Variants in ZNF536 observed in about 807,000 individuals in gnomAD.
ZNF536 encodes the protein zinc finger protein 536.
Under a neutral mutation model 84.5 loss-of-function variants are expected in ZNF536, and 13 were observed. The ratio of observed to expected loss-of-function variants is 0.15; its 90% CI spans 0.10 to 0.24. The LOEUF (loss-of-function observed/expected upper bound fraction) is 0.24, where lower values mean the gene tolerates loss of function less well. ZNF536 is among the 10% of genes least tolerant of loss of function. The probability of loss-of-function intolerance (pLI) is 1.00; values close to 1 mark genes in which losing one functional copy is unlikely to be tolerated. For synonymous variants in ZNF536, 811 were observed against 742.5 expected, an observed-to-expected ratio of 1.09 and a Z score of -1.50; for missense variants, 1,536 against 1,747.5, an observed-to-expected ratio of 0.88 and a Z score of 2.16.
intron 1 of ZNF536, among the ~76,000 whole-genome samples, chr19:30,704,943 G>A (rs2052164419): frequency 6.7e-6 from 1 of 149,154 alleles, no homozygotes; most frequent in Non-Finnish European, 1.5e-5. Context: ...TTTTTTTCTG[G>A]AGCACTTGCT....
intron 1 of ZNF536, among the ~76,000 whole-genome samples, chr19:30,628,304 G>C (rs964599655): frequency 6.6e-6 from 1 of 152,212 alleles, no homozygotes; most frequent in Non-Finnish European, 1.5e-5. Flanking sequence ...ACCACCCCAG[G>C]ACCCTGTAGG....
At chr19:30,630,580 C>T (rs2048853155) in intron 1 of ZNF536, among the ~76,000 whole-genome samples, 1 of 152,188 alleles carries the variant, frequency 6.6e-6, no homozygotes, top group Non-Finnish European at 1.5e-5. Flanking sequence ...GCCCGCAGAC[C>T]CTGCCAGCAG....
chr19:30,389,064 A>G (rs1178245306), intron 1 of ZNF536, among the ~76,000 whole-genome samples: 1 of 152,194 alleles, frequency 6.6e-6, no homozygotes, highest in African/African-American at 2.4e-5. Context: ...TCCTCTTACC[A>G]TGAGCCAGAG....
At chr19:30,472,537 G>A (rs1407783490) in intron 2 of ZNF536, among the ~76,000 whole-genome samples, 6 of 152,292 alleles carry the variant, frequency 3.9e-5, no homozygotes, top group African/African-American at 4.8e-5. Flanking sequence ...TGGTTTACAC[G>A]TGATGGAGGA....
At position 30,361,226 on chromosome 19, in the gene ZNF536, C is replaced by T. The variant is rs913116501; in HGVS notation, c.-3+8742C>T. ...ATTTAACCCTTCTTGCCATTCGGCA[C>T]CCGACGGGAGAACTCTCCCTGTGTG... On this transcript the variant is annotated intron_variant, in intron 3 of 5. Transcript: ENST00000585628. Among the ~76,000 whole-genome samples the T allele has an allele frequency of 6.6e-5, 10 of 152,366 alleles. No homozygotes were observed. The East Asian group carries it at 1.9e-3, about 29-fold the overall frequency.
intron 1 of ZNF536, among the ~76,000 whole-genome samples, chr19:30,636,910 AGTCAG>A (rs1225992119): frequency 6.6e-6 from 1 of 152,190 alleles, no homozygotes; most frequent in Non-Finnish European, 1.5e-5. Context: ...CCGCAGAAGA[AGTCAG>A]GGCTGGAAAC....
chr19:30,329,506 A>C (rs1420501604), intron 2 of ZNF536, among the ~76,000 whole-genome samples: 1 of 152,178 alleles, frequency 6.6e-6, no homozygotes, highest in Non-Finnish European at 1.5e-5. Context: ...TCTGTTCTAT[A>C]AAGTGTGTGG....
chr19:30,460,433 T>C (rs1470048479), intron 2 of ZNF536, among the ~76,000 whole-genome samples: 1 of 152,166 alleles, frequency 6.6e-6, no homozygotes, highest in African/African-American at 2.4e-5. Context: ...TGAAGAGGTG[T>C]CCTGGCCTCC....
At chr19:30,257,559 A>G (rs751048773) in intron 1 of ZNF536, among the ~76,000 whole-genome samples, 6 of 152,254 alleles carry the variant, frequency 3.9e-5, no homozygotes, top group Non-Finnish European at 8.8e-5. Flanking sequence ...AGAGTAAATC[A>G]GAAATAATAG....
At chr19:30,705,576 T>A (rs1395106404) in intron 1 of ZNF536, among the ~76,000 whole-genome samples, 1 of 152,220 alleles carries the variant, frequency 6.6e-6, no homozygotes, top group Non-Finnish European at 1.5e-5. Flanking sequence ...GGAGCTGATA[T>A]CATCCCTTGG....
chr19:30,457,956 G>T (rs1002525704), intron 2 of ZNF536, among the ~76,000 whole-genome samples: 3 of 152,160 alleles, frequency 2.0e-5, no homozygotes, highest in Non-Finnish European at 2.9e-5. Flanking sequence ...GGTGGTGGGT[G>T]GGACATGAAC....
At chr19:30,482,489 C>T (rs1009955424) in intron 2 of ZNF536, among the ~76,000 whole-genome samples, 5 of 152,274 alleles carry the variant, frequency 3.3e-5, no homozygotes, top group East Asian at 1.9e-4. Context: ...TAGCCTCACA[C>T]ACCTAGGATT....
chr19:30,546,008 C>T (rs1245301807), intron 3 of ZNF536, among the ~76,000 whole-genome samples: 1 of 152,234 alleles, frequency 6.6e-6, no homozygotes, highest in Non-Finnish European at 1.5e-5. Context: ...ACTCGTAGGG[C>T]AGGATCTTGA....
chr19:30,560,133 G>A (rs373239292), downstream of ZNF536, among the ~76,000 whole-genome samples: 4 of 151,918 alleles, frequency 2.6e-5, no homozygotes, highest in East Asian at 3.9e-4. Context: ...TCTGCCTGCC[G>A]GGGAGCTGGG....
intron 2 of ZNF536, among the ~76,000 whole-genome samples, chr19:30,508,194 A>G (rs2055251928): frequency 6.6e-6 from 1 of 152,146 alleles, no homozygotes. Context: ...CCGATTGCCC[A>G]TGGAAGCTGA....
At chr19:30,703,507 C>T (rs766372009) in intron 1 of ZNF536, among the ~76,000 whole-genome samples, 1 of 152,194 alleles carries the variant, frequency 6.6e-6, no homozygotes, top group Non-Finnish European at 1.5e-5. Flanking sequence ...GTGAAATGCA[C>T]CTGTTAACAA....
At position 30,627,466 on chromosome 19, in the gene ZNF536, G is replaced by C. The variant is rs1005381433; in HGVS notation, c.169+77952G>C. On this transcript the variant is annotated intron_variant, in intron 1 of 1. Transcript: ENST00000592773. Reference sequence around the variant, plus strand: ...AGCCTGGGTGACAGACCAAGGCCCTGTCAAAAAAAAAAAAAAAAAAAAAAA... The same window carrying C: ...AGCCTGGGTGACAGACCAAGGCCCTCTCAAAAAAAAAAAAAAAAAAAAAAA... 1.4e-4 allele frequency among the ~76,000 whole-genome samples: 6 copies of C among 42,302 alleles called. No homozygotes were observed. The South Asian group carries it at 6.7e-3, about 47-fold the overall frequency. The allele number at this position is 42,302 out of a possible 152,430, so 27.8% of individuals were successfully genotyped here. A position where few individuals can be genotyped will look rare whatever the true frequency, so the allele number is the denominator to read the frequency against.
At chr19:30,368,670 T>C (rs920859975), upstream of ZNF536, among the ~76,000 whole-genome samples, 1 of 152,254 alleles carries the variant, frequency 6.6e-6, no homozygotes, top group Non-Finnish European at 1.5e-5. Context: ...TAAATTGCCA[T>C]GTGAGCCACA....
intron 2 of ZNF536, among the ~76,000 whole-genome samples, chr19:30,491,375 G>A (rs974535490): frequency 3.3e-5 from 5 of 152,086 alleles, no homozygotes; most frequent in Non-Finnish European, 1.5e-5. Context: ...CCTGGAGTGC[G>A]TGAGCCTCTG....
Sources: gnomAD v4.1 joint callset for allele counts (sites outside exome capture counted in the v4.1 genomes callset) on GRCh38, gnomAD v4.1.1 for gene constraint, MANE v1.5 for transcripts, NCBI Gene and HGNC (gene_info 2026-07-23, HGNC 2026-07-21) for gene names.